Variants in COX10 observed in about 807,000 individuals in gnomAD.
The protein encoded by COX10 is cytochrome c oxidase assembly factor heme A:farnesyltransferase COX10.
In COX10, 27 loss-of-function variants were observed where a neutral mutation model predicts 37.3. The observed-to-expected ratio is 0.72, with a 90% CI of 0.53 to 1.00. COX10 has a LOEUF of 1.00. Among genes scored for constraint, COX10 ranks in the 50% least tolerant of loss-of-function variants. COX10 has a pLI of 0.00. For synonymous variants in COX10, 222 were observed against 229.1 expected (o/e 0.97, Z 0.28); for missense variants, 475 against 563.2 (o/e 0.84, Z 1.59).
At chr17:14,174,410 G>C (rs1217597537) in intron 5 of COX10, among the ~76,000 whole-genome samples, 1 of 143,556 alleles carries the variant, frequency 7.0e-6, no homozygotes, top group African/African-American at 2.6e-5. Context: ...AGTCAGCTAA[G>C]ATGATGCCAC....
At position 14,207,530 on chromosome 17, in the gene COX10, C is replaced by T. The variant is rs573026653; in HGVS notation, c.*317C>T. The T allele has an allele frequency of 2.3e-5, 7 of 300,430 alleles. No individual in the cohort carries two copies. The highest frequency in any genetic ancestry group is 4.4e-5 in the Non-Finnish European group (7 of 159,770). 18.6% of individuals were successfully genotyped at this position (300,430 alleles called of 1,614,324 possible). On this transcript the variant is annotated 3_prime_UTR_variant, in exon 7 of 7. Transcript: ENST00000261643. ...CATGGGGGTACACATACACAGCTTC[C>T]TCTTTTGGTTCCATCCTTACCACCA...
At position 14,076,588 on chromosome 17, in the gene COX10, T is replaced by C. The variant is rs544271214; in HGVS notation, c.178-147T>C. ...ATAGTGATTTCCATATAGCACTCTATAAATACATGCCGAATTAACAGATAT... is the reference window on the plus strand; with the variant it reads ...ATAGTGATTTCCATATAGCACTCTACAAATACATGCCGAATTAACAGATAT... On this transcript the variant is annotated intron_variant, in intron 2 of 6. Transcript: ENST00000261643. 51 of 775,956 alleles carry C rather than the reference T, an allele frequency of 6.6e-5. No individual in the cohort carries two copies. The African/African-American group carries it at 8.3e-4, about 13-fold the overall frequency. The allele number at this position is 775,956 out of a possible 1,614,324, so 48.1% of individuals were successfully genotyped here. A position where few individuals can be genotyped will look rare whatever the true frequency, so the allele number is the denominator to read the frequency against.
At chr17:14,076,712 G>A (rs1915159116) in intron 2 of COX10, 23 bp from the exon 3 acceptor site, 1 of 1,613,162 alleles carries the variant, frequency 6.2e-7, no homozygotes, top group South Asian at 1.1e-5. Context: ...TGGTTTTATA[G>A]TAATGTGTGC....
intron 6 of COX10, among the ~76,000 whole-genome samples, chr17:14,193,403 T>C (rs1420815674): frequency 6.6e-6 from 1 of 151,666 alleles, no homozygotes; most frequent in Admixed American, 6.6e-5. Flanking sequence ...GGGCTCAATT[T>C]GGGATCTGTA....
intron 3 of COX10, among the ~76,000 whole-genome samples, chr17:14,095,688 G>C (rs1915633581): frequency 6.6e-6 from 1 of 152,172 alleles, no homozygotes; most frequent in South Asian, 2.1e-4. Context: ...GGTGTTGGTT[G>C]AGACTGTTCT....
intron 4 of COX10, among the ~76,000 whole-genome samples, chr17:14,143,895 T>TCAACAA (rs1333818820): frequency 6.6e-6 from 1 of 151,950 alleles, no homozygotes; most frequent in Non-Finnish European, 1.5e-5. Context: ...CCAACAGGTG[T>TCAACAA]CAGGAGTGCT....
chr17:14,105,920 A>G (rs1915882506), intron 4 of COX10, among the ~76,000 whole-genome samples: 1 of 152,182 alleles, frequency 6.6e-6, no homozygotes, highest in Non-Finnish European at 1.5e-5. Flanking sequence ...CTTCACATAT[A>G]TATCATACAT....
At chr17:14,086,743 T>C (rs1310523726) in intron 3 of COX10, among the ~76,000 whole-genome samples, 1 of 152,214 alleles carries the variant, frequency 6.6e-6, no homozygotes, top group Non-Finnish European at 1.5e-5. Flanking sequence ...CTTTGTTTAG[T>C]TATTTGCTTT....
chr17:14,098,444 A>G (rs539326347), intron 3 of COX10, among the ~76,000 whole-genome samples: 1 of 152,202 alleles, frequency 6.6e-6, no homozygotes, highest in African/African-American at 2.4e-5. Context: ...ACCAGTCTGG[A>G]GAGCTCTTGA....
intron 1 of COX10, among the ~76,000 whole-genome samples, chr17:14,072,192 T>C (rs951006079): frequency 1.3e-5 from 2 of 152,190 alleles, no homozygotes; most frequent in African/African-American, 4.8e-5. Flanking sequence ...ACTACCATTC[T>C]GTAAAATCTC....
chr17:14,167,358 T>G (rs190404170), intron 5 of COX10, among the ~76,000 whole-genome samples: 1 of 152,324 alleles, frequency 6.6e-6, no homozygotes, highest in African/African-American at 2.4e-5. Context: ...AACAAAGGAT[T>G]TAAAATTTTA....
chr17:14,088,058 G>A (rs116703404), intron 3 of COX10, among the ~76,000 whole-genome samples: 1 of 152,270 alleles, frequency 6.6e-6, no homozygotes, highest in African/African-American at 2.4e-5. Flanking sequence ...TTTCTGGGGA[G>A]TGGGCTCATC....
At chr17:14,115,322 A>T (rs1490588815) in intron 4 of COX10, among the ~76,000 whole-genome samples, 1 of 152,178 alleles carries the variant, frequency 6.6e-6, no homozygotes, top group Non-Finnish European at 1.5e-5. Flanking sequence ...AACAAGTTGA[A>T]TTAAAATTTG....
chr17:14,074,260 A>G (rs112124267), intron 1 of COX10, 63 bp from the exon 2 acceptor site: 1 of 1,597,032 alleles, frequency 6.3e-7, no homozygotes, highest in East Asian at 2.2e-5. Flanking sequence ...GGGGAGGTGT[A>G]GTCATCATTT....
Position 14,177,426 on chromosome 17 carries a change from T to G in COX10, c.696-14563T>G, listed in dbSNP as rs999695463. Reference sequence around the variant, plus strand: ...ACTGGTCTTCCTGTTTTCCTCCTATTTAAATTCATCCTAAAACTTCCAGGG... The same window carrying G: ...ACTGGTCTTCCTGTTTTCCTCCTATGTAAATTCATCCTAAAACTTCCAGGG... On this transcript the variant is annotated intron_variant, in intron 5 of 6. Coordinates refer to ENST00000261643, the MANE Select transcript of COX10 (RefSeq NM_001303.4). The G allele has an allele frequency of 9.7e-6, 4 of 413,694 alleles. No individual in the cohort carries two copies. In the Admixed American group the frequency reaches 1.4e-4, roughly 14 times the overall value. The allele number at this position is 413,694 out of a possible 1,614,324, so 25.6% of individuals were successfully genotyped here. A position where few individuals can be genotyped will look rare whatever the true frequency, so the allele number is the denominator to read the frequency against.
At chr17:14,084,917 C>T (rs1376037733) in intron 3 of COX10, among the ~76,000 whole-genome samples, 4 of 152,192 alleles carry the variant, frequency 2.6e-5, no homozygotes, top group Non-Finnish European at 5.9e-5. Context: ...GCCTCAGCCT[C>T]CCAAAGTGCT....
At chr17:14,161,331 C>T (rs1905166767) in intron 5 of COX10, among the ~76,000 whole-genome samples, 1 of 152,090 alleles carries the variant, frequency 6.6e-6, no homozygotes, top group Non-Finnish European at 1.5e-5. Flanking sequence ...TGTCCAAAGG[C>T]CCGAAAATTC....
chr17:14,092,137 C>G (rs1378662962), intron 3 of COX10, among the ~76,000 whole-genome samples: 1 of 152,062 alleles, frequency 6.6e-6, no homozygotes, highest in African/African-American at 2.4e-5. Context: ...ATTGAAAGAA[C>G]AAGCTTAGGA....
chr17:14,095,052 T>C (rs1455762584), intron 3 of COX10, among the ~76,000 whole-genome samples: 1 of 152,212 alleles, frequency 6.6e-6, no homozygotes, highest in Non-Finnish European at 1.5e-5. Flanking sequence ...AATTGCATCT[T>C]AAGTAAGTAT....
Sources: gnomAD v4.1 joint callset for allele counts (sites outside exome capture counted in the v4.1 genomes callset) on GRCh38, gnomAD v4.1.1 for gene constraint, MANE v1.5 for transcripts, NCBI Gene and HGNC (gene_info 2026-07-23, HGNC 2026-07-21) for gene names.